The following TACC2 variants were observed in gnomAD, a reference collection of about 807,000 sequenced individuals.
The protein encoded by TACC2 is transforming acidic coiled-coil containing protein 2, also known as transforming acidic coiled-coil-containing protein 2.
A neutral mutation model predicts 227.3 loss-of-function variants in TACC2; 137 were observed. The observed-to-expected ratio is 0.60, with a 90% CI of 0.52 to 0.69. The LOEUF (loss-of-function observed/expected upper bound fraction) is 0.69. Ranked by LOEUF, TACC2 falls within the 30% of genes least tolerant of loss-of-function variation. TACC2 has a pLI of 0.00. For missense variants in TACC2, 3,470 were observed against 3,694.4 expected (o/e 0.94, Z 1.57); for synonymous variants, 1,523 against 1,487.5 (o/e 1.02, Z -0.55).
intron 5 of TACC2, among the ~76,000 whole-genome samples, chr10:122,105,816 T>C (rs1056782008): frequency 1.3e-5 from 2 of 150,768 alleles, no homozygotes; most frequent in Admixed American, 1.3e-4. Flanking sequence ...AGAGATGGGG[T>C]TTCACCACGT....
chr10:122,086,007 GGA>G lies in TACC2; in HGVS notation c.3509_3510del (p.Glu1170GlyfsTer9). The G allele has an allele frequency of 1.2e-6, 2 of 1,613,942 alleles. No individual in the cohort carries two copies. The highest frequency in any genetic ancestry group is 1.7e-6 in the Non-Finnish European group (2 of 1,180,012). On this transcript the variant is annotated frameshift_variant, in exon 4 of 23. Transcript: ENST00000369005. LOFTEE classifies it high-confidence loss of function. ...AGACTGAGCACTGCCTTACCTCCGG[GGA>G]GGAAGCTTCTACCTCTGCCCTACGT... ...LQTEHCLTSG[E>X]EASTSALRES...
intron 5 of TACC2, among the ~76,000 whole-genome samples, chr10:122,123,807 T>G (rs1341010600): frequency 1.6e-5 from 2 of 127,198 alleles, no homozygotes; most frequent in Non-Finnish European, 3.3e-5. Context: ...TGCTGTAGAG[T>G]CATTTTTTTT....
chr10:122,249,284 C>G, intron 21 of TACC2, 128 bp downstream of exon 21: 1 of 753,714 alleles, frequency 1.3e-6, no homozygotes, highest in Non-Finnish European at 2.2e-6. Flanking sequence ...GTGTGTGTTT[C>G]AATAAGACTC....
chr10:122,013,191 T>A (rs1488906320), intron 1 of TACC2, among the ~76,000 whole-genome samples: 1 of 152,126 alleles, frequency 6.6e-6, no homozygotes, highest in African/African-American at 2.4e-5. Flanking sequence ...TTCTACAAGA[T>A]TGGAATTTTC....
chr10:122,048,053 A>T (rs978331960), intron 2 of TACC2, among the ~76,000 whole-genome samples: 1 of 152,210 alleles, frequency 6.6e-6, no homozygotes, highest in Non-Finnish European at 1.5e-5. Flanking sequence ...TGGTGTCTGA[A>T]GGTCAAGGAC....
At chr10:122,233,315 C>T in intron 16 of TACC2, among the ~76,000 whole-genome samples, 1 of 152,194 alleles carries the variant, frequency 6.6e-6, no homozygotes, top group East Asian at 1.9e-4. Flanking sequence ...AATGTTGTGT[C>T]TGGGTGGCTC....
intron 1 of TACC2, among the ~76,000 whole-genome samples, chr10:122,010,257 A>G (rs1378979101): frequency 1.3e-5 from 2 of 152,146 alleles, no homozygotes; most frequent in African/African-American, 4.8e-5. Flanking sequence ...CATGATGTTG[A>G]TACTGTATTT....
intron 5 of TACC2, among the ~76,000 whole-genome samples, chr10:122,101,889 A>T (rs1368917782): frequency 4.6e-5 from 7 of 150,918 alleles, no homozygotes. Flanking sequence ...TCCTTTTTTT[A>T]AAAAAAAGAA....
At chr10:122,135,041 T>C (rs2138955916) in intron 6 of TACC2, among the ~76,000 whole-genome samples, 1 of 152,322 alleles carries the variant, frequency 6.6e-6, no homozygotes, top group East Asian at 1.9e-4. Context: ...TAAATCCTCA[T>C]GCCAGCTGTA....
chr10:122,089,723 A>T, intron 5 of TACC2, among the ~76,000 whole-genome samples: 1 of 151,778 alleles, frequency 6.6e-6, no homozygotes, highest in African/African-American at 2.4e-5. Flanking sequence ...ACCCTACCAA[A>T]CAGCTGCAGG....
chr10:122,199,270 G>A (rs534134631), intron 8 of TACC2, among the ~76,000 whole-genome samples: 5 of 152,226 alleles, frequency 3.3e-5, no homozygotes, highest in East Asian at 1.9e-4. Context: ...CAGTGTCCTC[G>A]CCAGGCACTC....
At position 122,211,679 on chromosome 10, in the gene TACC2, C is replaced by G. The variant is rs776710818; in HGVS notation, c.7254C>G (p.Pro2418=). 6.4e-7 allele frequency: 1 copy of G among 1,566,128 alleles called. No individual in the cohort carries two copies. The highest frequency in any genetic ancestry group is 1.4e-5 in the African/African-American group (1 of 72,328). ...NGVDGDGLNK[P]AKKKKTPLKT... ...TGGACGGGGATGGGCTAAACAAGCC[C>G]GCCAAGAAGAAGAAGACGCCCCTAA... Residue 2418 remains proline (P), a synonymous_variant, in exon 9 of 23, where the codon CCC becomes CCG. Coordinates refer to ENST00000369005, the MANE Select transcript of TACC2 (RefSeq NM_206862.4).
chr10:122,095,704 G>A (rs904927534), intron 5 of TACC2, among the ~76,000 whole-genome samples: 2 of 152,202 alleles, frequency 1.3e-5, no homozygotes, highest in Non-Finnish European at 1.5e-5. Context: ...TACTAGCCAG[G>A]TGGAGTCCTG....
chr10:121,996,872 C>T (rs549435099), intron 1 of TACC2, among the ~76,000 whole-genome samples: 43 of 152,064 alleles, frequency 2.8e-4, no homozygotes, highest in Non-Finnish European at 2.5e-4. Flanking sequence ...AGTCTTTTCC[C>T]TGGACTCAAT....
intron 5 of TACC2, among the ~76,000 whole-genome samples, chr10:122,117,025 T>G (rs149507369): frequency 6.6e-6 from 1 of 152,046 alleles, no homozygotes; most frequent in Non-Finnish European, 1.5e-5. Flanking sequence ...TCATTAATAC[T>G]TTTATTGTAA....
chr10:122,068,852 AGT>A (rs1565202999), intron 3 of TACC2, among the ~76,000 whole-genome samples: 16 of 83,380 alleles, frequency 1.9e-4, no homozygotes, highest in Non-Finnish European at 2.7e-4. Flanking sequence ...GTGACCTAGA[AGT>A]TTTTTTTTTT....
At chr10:122,006,477 A>AATAT (rs1173495249) in intron 1 of TACC2, among the ~76,000 whole-genome samples, 2 of 151,898 alleles carry the variant, frequency 1.3e-5, no homozygotes, top group Non-Finnish European at 2.9e-5. Flanking sequence ...TAAATAAATA[A>AATAT]ATAAAAAATA....
chr10:122,153,707 C>G (rs1592676472), intron 7 of TACC2, among the ~76,000 whole-genome samples: 1 of 152,210 alleles, frequency 6.6e-6, no homozygotes, highest in African/African-American at 2.4e-5. Context: ...CATATTATCT[C>G]ATTTAAACCT....
Position 122,138,035 on chromosome 10 carries a change from G to A in TACC2, c.5699+5301G>A, listed in dbSNP as rs558984035. Among the ~76,000 whole-genome samples the A allele has an allele frequency of 3.9e-5, 6 of 152,272 alleles. No individual in the cohort carries two copies. In the South Asian group the frequency reaches 6.2e-4, roughly 16 times the overall value. ...AAAATGGTCAGAAGTTGAAAGGCCC[G>A]GGAATTCATACTGACTACAGCTTTT... On this transcript the variant is annotated intron_variant, in intron 6 of 22. Coordinates refer to ENST00000369005, the MANE Select transcript of TACC2 (RefSeq NM_206862.4).
Sources: gnomAD v4.1 joint callset for allele counts (sites outside exome capture counted in the v4.1 genomes callset) on GRCh38, gnomAD v4.1.1 for gene constraint, MANE v1.5 for transcripts, NCBI Gene and HGNC (gene_info 2026-07-23, HGNC 2026-07-21) for gene names.